Variants in PPARGC1A observed in about 807,000 individuals in gnomAD.
PPARGC1A encodes peroxisome proliferator-activated receptor gamma coactivator 1-alpha.
Under a neutral mutation model 88.7 loss-of-function variants are expected in PPARGC1A, and 25 were observed. That is an observed-to-expected ratio of 0.28 (90% CI 0.21 to 0.39). The LOEUF is 0.39. Ranked by LOEUF, PPARGC1A falls within the 10% of genes least tolerant of loss-of-function variation. The pLI, the probability that PPARGC1A is intolerant of heterozygous loss-of-function variation, is 1.00. For synonymous variants in PPARGC1A, 363 were observed against 355.6 expected (o/e 1.02, Z -0.24); for missense variants, 880 against 968.7 (o/e 0.91, Z 1.22).
chr4:24,122,615 C>T, the PPARGC1A span, among the ~76,000 whole-genome samples: 2 of 151,988 alleles, frequency 1.3e-5, no homozygotes, highest in Non-Finnish European at 2.9e-5. Context: ...AGAACAGTGT[C>T]CCTGCTCTCT....
chr4:23,827,947 T>G (rs1247542042), intron 5 of PPARGC1A, among the ~76,000 whole-genome samples: 3 of 152,030 alleles, frequency 2.0e-5, no homozygotes, highest in South Asian at 2.1e-4. Context: ...AGGAATGTAC[T>G]TAGTAATCAA....
the PPARGC1A span, among the ~76,000 whole-genome samples, chr4:24,354,500 G>A: frequency 6.6e-6 from 1 of 152,300 alleles, no homozygotes; most frequent in African/African-American, 2.4e-5. Flanking sequence ...ATGATTTTTG[G>A]AGTAGTTCTA....
chr4:24,319,103 C>T, the PPARGC1A span, among the ~76,000 whole-genome samples: 2 of 152,034 alleles, frequency 1.3e-5, no homozygotes, highest in African/African-American at 2.4e-5. Context: ...TCCCACACTT[C>T]GGGAGGCAGA....
the PPARGC1A span, among the ~76,000 whole-genome samples, chr4:24,014,416 A>C: frequency 1.3e-5 from 2 of 152,196 alleles, no homozygotes; most frequent in Non-Finnish European, 2.9e-5. Context: ...CTCTCATTGC[A>C]TCACTAATCA....
At chr4:24,058,313 A>T in the PPARGC1A span, among the ~76,000 whole-genome samples, 2 of 152,232 alleles carry the variant, frequency 1.3e-5, no homozygotes, top group Non-Finnish European at 2.9e-5. Flanking sequence ...TTAAAGTGAG[A>T]CAGTTCTCTG....
intron 10 of PPARGC1A, among the ~76,000 whole-genome samples, chr4:23,809,388 C>T (rs1720446698): frequency 6.6e-6 from 1 of 152,214 alleles, no homozygotes; most frequent in Non-Finnish European, 1.5e-5. Flanking sequence ...TTATAGGACC[C>T]TTTAGGCTAT....
At chr4:23,870,884 A>G (rs984168475) in intron 2 of PPARGC1A, among the ~76,000 whole-genome samples, 1 of 152,144 alleles carries the variant, frequency 6.6e-6, no homozygotes, top group African/African-American at 2.4e-5. Context: ...ACTATAAAAG[A>G]TGTAGCTGGA....
At chr4:24,259,279 G>A in the PPARGC1A span, among the ~76,000 whole-genome samples, 1 of 152,148 alleles carries the variant, frequency 6.6e-6, no homozygotes, top group South Asian at 2.1e-4. Context: ...ACGCACCTCT[G>A]CAACAGCACT....
chr4:24,344,385 TG>T, the PPARGC1A span, among the ~76,000 whole-genome samples: 1 of 152,098 alleles, frequency 6.6e-6, no homozygotes, highest in East Asian at 1.9e-4. Context: ...AAGTGTTCCC[TG>T]TTCACTACAT....
chr4:24,436,681 C>T, the PPARGC1A span, among the ~76,000 whole-genome samples: 975 of 141,410 alleles, frequency 6.9e-3, 6 homozygotes, highest in African/African-American at 0.025. Flanking sequence ...GAGCTGACAT[C>T]GATTGGCCAC....
chr4:24,267,824 AT>A, the PPARGC1A span, among the ~76,000 whole-genome samples: 12 of 151,614 alleles, frequency 7.9e-5, no homozygotes, highest in African/African-American at 2.9e-4. Flanking sequence ...TCAACGTGTC[AT>A]TTTTTTTTCC....
the PPARGC1A span, among the ~76,000 whole-genome samples, chr4:24,434,288 G>A: frequency 6.6e-6 from 1 of 152,192 alleles, no homozygotes; most frequent in Admixed American, 6.5e-5. Flanking sequence ...AGAATCATGA[G>A]ATTTTTCACG....
upstream of PPARGC1A, among the ~76,000 whole-genome samples, chr4:23,890,520 G>A (rs1427350097): frequency 6.6e-6 from 1 of 151,022 alleles, no homozygotes; most frequent in Non-Finnish European, 1.5e-5. Context: ...GCTCAGTTTG[G>A]GACTAAAGCA....
At chr4:24,144,741 G>A in the PPARGC1A span, among the ~76,000 whole-genome samples, 4 of 151,572 alleles carry the variant, frequency 2.6e-5, no homozygotes, top group African/African-American at 9.7e-5. Flanking sequence ...CACCTTCATT[G>A]TCACCTCATC....
At chr4:24,345,482 G>C in the PPARGC1A span, among the ~76,000 whole-genome samples, 1 of 151,954 alleles carries the variant, frequency 6.6e-6, no homozygotes, top group Non-Finnish European at 1.5e-5. Flanking sequence ...CAACTCTTTT[G>C]TTAGGTATAT....
the PPARGC1A span, among the ~76,000 whole-genome samples, chr4:24,350,532 G>A: frequency 6.6e-6 from 1 of 152,128 alleles, no homozygotes; most frequent in Non-Finnish European, 1.5e-5. Context: ...ATGAGGGAGT[G>A]GTATGATAGC....
At chr4:24,388,539 A>G in the PPARGC1A span, among the ~76,000 whole-genome samples, 2 of 152,170 alleles carry the variant, frequency 1.3e-5, no homozygotes, top group East Asian at 3.9e-4. Flanking sequence ...ATTGCAGCAC[A>G]CTTCACAATA....
the PPARGC1A span, among the ~76,000 whole-genome samples, chr4:24,104,198 C>G: frequency 6.6e-6 from 1 of 152,210 alleles, no homozygotes; most frequent in African/African-American, 2.4e-5. Context: ...AGCTCCTTAA[C>G]AGTAGAGTGG....
chr4:23,926,179 A>T, the PPARGC1A span, among the ~76,000 whole-genome samples: 1 of 152,220 alleles, frequency 6.6e-6, no homozygotes, highest in African/African-American at 2.4e-5. Flanking sequence ...ACCATGACAG[A>T]ATCTATGTCT....
Sources: gnomAD v4.1 joint callset for allele counts (sites outside exome capture counted in the v4.1 genomes callset) on GRCh38, gnomAD v4.1.1 for gene constraint, MANE v1.5 for transcripts, NCBI Gene and HGNC (gene_info 2026-07-23, HGNC 2026-07-21) for gene names.